The following PRKCQ variants were observed in gnomAD, a reference collection of about 807,000 sequenced individuals.
PRKCQ encodes the protein protein kinase C theta type.
Under a neutral mutation model 91.2 loss-of-function variants are expected in PRKCQ, and 41 were observed. The observed-to-expected ratio is 0.45, with a 90% CI of 0.35 to 0.58. PRKCQ has a LOEUF of 0.58. PRKCQ is among the 20% of genes least tolerant of loss of function. The pLI is 0.00. For synonymous variants in PRKCQ, 307 were observed against 316.9 expected (o/e 0.97, Z 0.33); for missense variants, 673 against 896.5 (o/e 0.75, Z 3.18).
chr10:6,395,356 G>A, the PRKCQ span, among the ~76,000 whole-genome samples: 1 of 152,022 alleles, frequency 6.6e-6, no homozygotes, highest in Non-Finnish European at 1.5e-5. Flanking sequence ...GAACCAGCGC[G>A]CCCGGCCGGC....
chr10:6,511,448 G>A lies in PRKCQ; in HGVS notation c.119-254C>T, dbSNP rs566468012. 3.9e-5 allele frequency among the ~76,000 whole-genome samples: 6 copies of A among 152,250 alleles called. No individual in the cohort carries two copies. The South Asian group carries it at 1.2e-3, about 32-fold the overall frequency. ...TCAGACAACAATCTGCTAATGCCTT[G>A]GACTGGAAATTGTTACCAAAACACC... On this transcript the variant is annotated intron_variant, in intron 2 of 17. Coordinates refer to ENST00000263125, the MANE Select transcript of PRKCQ (RefSeq NM_006257.5).
At chr10:6,453,530 G>C (rs979465006) in intron 15 of PRKCQ, among the ~76,000 whole-genome samples, 8 of 152,166 alleles carry the variant, frequency 5.3e-5, no homozygotes, top group Admixed American at 6.5e-5. Context: ...CAGGGATCTA[G>C]AACTAGAAAT....
intron 9 of PRKCQ, among the ~76,000 whole-genome samples, chr10:6,485,685 G>C (rs998928344): frequency 2.6e-5 from 4 of 152,160 alleles, no homozygotes; most frequent in Admixed American, 2.0e-4. Flanking sequence ...TGTTCCATGA[G>C]GATGATGCTA....
At position 6,510,969 on chromosome 10, in the gene PRKCQ, T is replaced by C. The variant is rs769791469; in HGVS notation, c.318+26A>G. 1.8e-5 allele frequency: 29 copies of C among 1,611,502 alleles called. No individual in the cohort carries two copies. In the East Asian group the frequency reaches 4.0e-4, roughly 22 times the overall value. On this transcript the variant is annotated intron_variant, in intron 3 of 17. Coordinates refer to ENST00000263125, the MANE Select transcript of PRKCQ (RefSeq NM_006257.5). Reference sequence around the variant, plus strand: ...CGGCTACCATCATGCTTATCCCTTATGTGCATACACTTTATGCAACGTTAC... The same window carrying C: ...CGGCTACCATCATGCTTATCCCTTACGTGCATACACTTTATGCAACGTTAC...
the PRKCQ span, among the ~76,000 whole-genome samples, chr10:6,405,298 TAGTG>T: frequency 6.6e-6 from 1 of 152,198 alleles, no homozygotes; most frequent in East Asian, 1.9e-4. Flanking sequence ...CTGTTTTTCA[TAGTG>T]AGAGCTTCAC....
chr10:6,501,508 A>G (rs146404903), intron 4 of PRKCQ, among the ~76,000 whole-genome samples: 5 of 152,128 alleles, frequency 3.3e-5, no homozygotes, highest in Admixed American at 2.0e-4. Flanking sequence ...ACTGCATCCT[A>G]AAGTGTAGAG....
chr10:6,551,212 T>G (rs1588414198), intron 1 of PRKCQ, among the ~76,000 whole-genome samples: 1 of 152,140 alleles, frequency 6.6e-6, no homozygotes, highest in East Asian at 1.9e-4. Flanking sequence ...AGTCCATGTG[T>G]TCTCATAATT....
the PRKCQ span, among the ~76,000 whole-genome samples, chr10:6,411,044 C>T: frequency 1.6e-3 from 246 of 150,750 alleles, 1 homozygote; most frequent in African/African-American, 5.7e-3. Flanking sequence ...ACACGGCGGA[C>T]GATTAGAGCT....
chr10:6,511,479 T>C (rs1303632880), intron 2 of PRKCQ, among the ~76,000 whole-genome samples: 1 of 152,188 alleles, frequency 6.6e-6, no homozygotes, highest in African/African-American at 2.4e-5. Context: ...ACACCAGGCA[T>C]TCTAAGTTCT....
chr10:6,521,158 C>T (rs1255956401), intron 1 of PRKCQ, among the ~76,000 whole-genome samples: 2 of 152,122 alleles, frequency 1.3e-5, no homozygotes, highest in Non-Finnish European at 2.9e-5. Flanking sequence ...TCAACAATTC[C>T]GAGAGAAGGG....
At chr10:6,454,605 A>G (rs566142297) in intron 15 of PRKCQ, among the ~76,000 whole-genome samples, 3 of 152,306 alleles carry the variant, frequency 2.0e-5, no homozygotes, top group African/African-American at 4.8e-5. Flanking sequence ...ATGACATGTA[A>G]TTCACCAAGA....
At chr10:6,562,385 A>C (rs1210559247) in intron 1 of PRKCQ, among the ~76,000 whole-genome samples, 2 of 152,216 alleles carry the variant, frequency 1.3e-5, no homozygotes, top group Non-Finnish European at 2.9e-5. Context: ...ATGCTTCAGC[A>C]GAGAGACGCA....
At chr10:6,547,837 C>T (rs996214262) in intron 1 of PRKCQ, among the ~76,000 whole-genome samples, 3 of 151,066 alleles carry the variant, frequency 2.0e-5, no homozygotes, top group Non-Finnish European at 3.0e-5. Flanking sequence ...GACTTCATGT[C>T]TAAAACACCA....
At chr10:6,534,774 C>CTA (rs56075764) in intron 1 of PRKCQ, among the ~76,000 whole-genome samples, 32,404 of 142,176 alleles carry the variant, frequency 0.23, 3,650 homozygotes, top group East Asian at 0.35. Context: ...AAACATATAT[C>CTA]TATATATATA....
At chr10:6,509,891 T>G (rs998097975) in intron 3 of PRKCQ, among the ~76,000 whole-genome samples, 1 of 152,190 alleles carries the variant, frequency 6.6e-6, no homozygotes, top group Non-Finnish European at 1.5e-5. Flanking sequence ...AAAGCATCCA[T>G]TTTTTTAGGT....
At chr10:6,449,217 G>C (rs10160174) in intron 15 of PRKCQ, among the ~76,000 whole-genome samples, 41,679 of 127,536 alleles carry the variant, frequency 0.33, 7,475 homozygotes, top group East Asian at 0.43. Flanking sequence ...ACTAGAATAA[G>C]CAATAGAGAG....
rs546705423 is a variant in PRKCQ, at chr10:6,530,722, G to A, written c.-9-15578C>T. ...AAACGTCGCCAGCTTACAAATGCAA[G>A]TGTCGTAAAAACTTGGCTGCAGTTG... On this transcript the variant is annotated intron_variant, in intron 1 of 17. Coordinates refer to ENST00000263125, the MANE Select transcript of PRKCQ (RefSeq NM_006257.5). 9.3e-4 allele frequency among the ~76,000 whole-genome samples: 141 copies of A among 152,358 alleles called. 1 individual carries two copies. The highest frequency in any genetic ancestry group is 1.6e-3 in the Non-Finnish European group (110 of 68,046).
At chr10:6,396,639 C>T in the PRKCQ span, among the ~76,000 whole-genome samples, 1 of 152,192 alleles carries the variant, frequency 6.6e-6, no homozygotes, top group East Asian at 1.9e-4. Context: ...TGCTGAGTAG[C>T]GTTCTGTTGT....
At position 6,578,092 on chromosome 10, in the gene PRKCQ, G is replaced by A. The variant is rs566864774; in HGVS notation, c.-10+2119C>T. Among the ~76,000 whole-genome samples the A allele has an allele frequency of 1.1e-4, 16 of 152,340 alleles. No individual in the cohort carries two copies. The East Asian group carries it at 3.1e-3, about 29-fold the overall frequency. On this transcript the variant is annotated intron_variant, in intron 1 of 17. Coordinates refer to ENST00000263125, the MANE Select transcript of PRKCQ (RefSeq NM_006257.5). ...CTATGTAAGGGGGCTTCTGATGCCT[G>A]GCGTTAACAAGAGACAGAGAGTATT...
Sources: allele counts gnomAD v4.1 joint callset (sites outside exome capture counted in the v4.1 genomes callset), GRCh38; gene constraint gnomAD v4.1.1; transcripts MANE v1.5; gene names NCBI Gene and HGNC (gene_info 2026-07-23, HGNC 2026-07-21).